The following MBD5 variants were observed in gnomAD, a reference collection of about 807,000 sequenced individuals.
The protein encoded by MBD5 is methyl-CpG-binding domain protein 5.
MBD5 carries 13 observed loss-of-function variants against 117.3 expected under a neutral mutation model. That is an observed-to-expected ratio of 0.11 (90% CI 0.07 to 0.18). MBD5 has a LOEUF of 0.18. Among genes scored for constraint, MBD5 ranks in the 10% least tolerant of loss-of-function variants. The pLI is 1.00. For missense variants in MBD5, 1,879 were observed against 2,093.8 expected (o/e 0.90, Z 2.00); for synonymous variants, 727 against 766.4 (o/e 0.95, Z 0.85).
intron 1 of MBD5, among the ~76,000 whole-genome samples, chr2:148,150,712 G>T (rs1413039133): frequency 6.6e-6 from 1 of 152,096 alleles, no homozygotes; most frequent in African/African-American, 2.4e-5. Context: ...AATTGTGAAT[G>T]GGAGTTCCCT....
At chr2:148,437,831 A>T (rs564284435) in intron 4 of MBD5, among the ~76,000 whole-genome samples, 1 of 152,296 alleles carries the variant, frequency 6.6e-6, no homozygotes, top group South Asian at 2.1e-4. Flanking sequence ...GACTGCAATC[A>T]TCTGAAATAC....
At chr2:148,186,806 C>G (rs1698669905) in intron 2 of MBD5, among the ~76,000 whole-genome samples, 1 of 152,084 alleles carries the variant, frequency 6.6e-6, no homozygotes. Context: ...TAACCCCAAA[C>G]CACTAGAATA....
intron 3 of MBD5, among the ~76,000 whole-genome samples, chr2:148,313,388 C>T (rs895007892): frequency 6.6e-6 from 1 of 152,190 alleles, no homozygotes; most frequent in Non-Finnish European, 1.5e-5. Flanking sequence ...CTGGCTACAG[C>T]GGCTTTGCCA....
At chr2:148,213,058 G>C (rs981592886) in intron 2 of MBD5, among the ~76,000 whole-genome samples, 5 of 152,196 alleles carry the variant, frequency 3.3e-5, no homozygotes, top group African/African-American at 1.2e-4. Context: ...TCTCCTTCCA[G>C]CCACCAGCCA....
chr2:148,154,750 T>A (rs886544176), intron 1 of MBD5, among the ~76,000 whole-genome samples: 8 of 152,196 alleles, frequency 5.3e-5, no homozygotes, highest in African/African-American at 1.7e-4. Context: ...CCTGACCCCT[T>A]GCGCTTCCCA....
chr2:148,094,413 C>G (rs1696011639), intron 1 of MBD5, among the ~76,000 whole-genome samples: 1 of 152,168 alleles, frequency 6.6e-6, no homozygotes, highest in Non-Finnish European at 1.5e-5. Context: ...GTTTCCACTT[C>G]AGATCATTTA....
chr2:148,190,787 C>T (rs1230888013), intron 2 of MBD5, among the ~76,000 whole-genome samples: 3 of 42,008 alleles, frequency 7.1e-5, no homozygotes, highest in Non-Finnish European at 1.5e-4. Context: ...GGACTAAATT[C>T]TGCAATTAAA....
intron 1 of MBD5, among the ~76,000 whole-genome samples, chr2:148,076,219 A>C (rs1436885979): frequency 6.6e-6 from 1 of 152,120 alleles, no homozygotes; most frequent in Non-Finnish European, 1.5e-5. Context: ...CAGAGTGATA[A>C]AGATGTTTCT....
chr2:148,340,205 G>A (rs1702902150), intron 3 of MBD5, among the ~76,000 whole-genome samples: 1 of 152,100 alleles, frequency 6.6e-6, no homozygotes, highest in Non-Finnish European at 1.5e-5. Flanking sequence ...ATACCTTCAT[G>A]CCAGAAGGTA....
intron 3 of MBD5, among the ~76,000 whole-genome samples, chr2:148,294,521 T>TTTTTTTTTTG (rs1701602026): frequency 9.0e-6 from 1 of 110,970 alleles, no homozygotes; most frequent in African/African-American, 3.4e-5. Flanking sequence ...TTTTTTTTTT[T>TTTTTTTTTTG]GAGATAGAGC....
intron 4 of MBD5, among the ~76,000 whole-genome samples, chr2:148,431,176 A>G (rs1371714100): frequency 4.6e-5 from 7 of 152,116 alleles, no homozygotes; most frequent in African/African-American, 1.2e-4. Flanking sequence ...ATTCAACCTT[A>G]TTTTTTAAAA....
At chr2:148,294,708 G>T (rs182480097) in intron 3 of MBD5, among the ~76,000 whole-genome samples, 1 of 151,850 alleles carries the variant, frequency 6.6e-6, no homozygotes, top group African/African-American at 2.4e-5. Context: ...CTTTCACTAT[G>T]TTGCCCAAGC....
chr2:148,397,232 T>C (rs1203203448), intron 4 of MBD5, among the ~76,000 whole-genome samples: 2 of 152,074 alleles, frequency 1.3e-5, no homozygotes, highest in African/African-American at 2.4e-5. Flanking sequence ...AGCAAACTGA[T>C]CATATGGTCA....
At chr2:148,077,416 T>C (rs2105130005) in intron 1 of MBD5, among the ~76,000 whole-genome samples, 1 of 152,280 alleles carries the variant, frequency 6.6e-6, no homozygotes, top group East Asian at 1.9e-4. Flanking sequence ...AAGTAATGAC[T>C]TGTTTTGGAA....
chr2:148,293,970 G>T (rs894317063), intron 3 of MBD5, among the ~76,000 whole-genome samples: 1 of 152,148 alleles, frequency 6.6e-6, no homozygotes, highest in Admixed American at 6.5e-5. Context: ...ATTAAGGAAA[G>T]AAGGAGACGA....
chr2:148,268,476 A>G (rs779228660), intron 3 of MBD5, among the ~76,000 whole-genome samples: 1 of 151,604 alleles, frequency 6.6e-6, no homozygotes, highest in Non-Finnish European at 1.5e-5. Flanking sequence ...TTAACAGCCC[A>G]TCTTTTCTGA....
intron 1 of MBD5, among the ~76,000 whole-genome samples, chr2:148,083,135 G>A (rs1695688976): frequency 1.3e-5 from 2 of 152,194 alleles, no homozygotes; most frequent in African/African-American, 4.8e-5. Flanking sequence ...AAAGCTGAAT[G>A]TCTAAAACCT....
At chr2:148,510,364 A>G (rs927394891) in intron 13 of MBD5, among the ~76,000 whole-genome samples, 4 of 152,282 alleles carry the variant, frequency 2.6e-5, no homozygotes, top group African/African-American at 9.6e-5. Flanking sequence ...GTTTTGCCAC[A>G]TAACGTTCGT....
chr2:148,184,621 T>A (rs1380973468), intron 2 of MBD5, among the ~76,000 whole-genome samples: 1 of 152,224 alleles, frequency 6.6e-6, no homozygotes, highest in East Asian at 1.9e-4. Context: ...GGACATCAGA[T>A]CTAATAATTC....
Sources: gnomAD v4.1 joint callset for allele counts (sites outside exome capture counted in the v4.1 genomes callset) on GRCh38, gnomAD v4.1.1 for gene constraint, MANE v1.5 for transcripts, NCBI Gene and HGNC (gene_info 2026-07-23, HGNC 2026-07-21) for gene names.